ZNF543: variants seen among roughly 807,000 people sequenced by gnomAD.
ZNF543 encodes the protein zinc finger protein 543.
ZNF543 carries 10 observed loss-of-function variants against 13.4 expected under a neutral mutation model. The observed-to-expected ratio is 0.75, with a 90% CI of 0.46 to 1.26. ZNF543 has a LOEUF of 1.26. ZNF543 is among the 50% of genes most tolerant of loss of function. The pLI is 0.00. For missense variants in ZNF543, 768 were observed against 741.2 expected (o/e 1.04, Z -0.42); for synonymous variants, 272 against 264.7 (o/e 1.03, Z -0.27).
rs547926508 is a variant in ZNF543, at chr19:57,330,241, A to G, written c.*976A>G. 2 of 150,354 alleles carry G rather than the reference A, an allele frequency of 1.3e-5. No homozygotes were observed. Among genetic ancestry groups the G allele is most frequent in the East Asian group, 2.0e-4 (1 of 5,122 alleles). The allele number at this position is 150,354 out of a possible 1,614,324, so 9.3% of individuals were successfully genotyped here. ...CCATGTGTCTTTACCCAATACACATACTTTTTCTTGATGTGGATTTACTTT... is the reference window on the plus strand; with the variant it reads ...CCATGTGTCTTTACCCAATACACATGCTTTTTCTTGATGTGGATTTACTTT... On this transcript the variant is annotated 3_prime_UTR_variant, in exon 4 of 4. Coordinates refer to ENST00000321545, the MANE Select transcript of ZNF543 (RefSeq NM_213598.4).
chr19:57,320,497 A>C lies in ZNF543; in HGVS notation c.-357A>C, dbSNP rs961093968. 9.3e-6 allele frequency: 2 copies of C among 215,278 alleles called. No homozygotes were observed. Among genetic ancestry groups the C allele is most frequent in the East Asian group, 9.5e-5 (1 of 10,482 alleles). 13.3% of individuals were successfully genotyped at this position (215,278 alleles called of 1,614,324 possible). A position where few individuals can be genotyped will look rare whatever the true frequency, so the allele number is the denominator to read the frequency against. ...GTCGCGTGACGTCATCTCCGTGAGC[A>C]GGATTGGCCCTGGAACAGTGTGGGG... On this transcript the variant is annotated 5_prime_UTR_variant, in exon 1 of 4. Coordinates refer to ENST00000321545, the MANE Select transcript of ZNF543 (RefSeq NM_213598.4).
At chr19:57,326,867 GC>G (rs869161724) in intron 3 of ZNF543, 139 bp downstream of exon 3, 41 of 92,068 alleles carry the variant, frequency 4.5e-4, no homozygotes, top group East Asian at 1.1e-3. Context: ...CTCCCCGCCC[GC>G]CCCCCCCCAC....
At chr19:57,322,223 G>T (rs1470053803) in intron 1 of ZNF543, among the ~76,000 whole-genome samples, 1 of 152,176 alleles carries the variant, frequency 6.6e-6, no homozygotes, top group Non-Finnish European at 1.5e-5. Context: ...ATGAGAATGG[G>T]CATCTGTGAG....
intron 3 of ZNF543, among the ~76,000 whole-genome samples, chr19:57,327,055 G>A (rs1180365763): frequency 6.6e-6 from 1 of 151,848 alleles, no homozygotes; most frequent in Non-Finnish European, 1.5e-5. Flanking sequence ...TTTTTATAGA[G>A]ATGGTCTTGT....
intron 1 of ZNF543, among the ~76,000 whole-genome samples, chr19:57,321,519 A>G (rs921882391): frequency 9.2e-5 from 14 of 152,246 alleles, no homozygotes; most frequent in Admixed American, 9.2e-4. Flanking sequence ...AAATAATTGC[A>G]AAGAGTGACA....
intron 2 of ZNF543, among the ~76,000 whole-genome samples, chr19:57,324,626 G>C (rs111616680): frequency 6.6e-6 from 1 of 152,166 alleles, no homozygotes; most frequent in African/African-American, 2.4e-5. Context: ...TGTACATTTT[G>C]GCTTGGCCAT....
chr19:57,323,916 G>A, intron 2 of ZNF543, 108 bp downstream of exon 2: 1 of 1,417,156 alleles, frequency 7.1e-7, no homozygotes, highest in East Asian at 2.5e-5. Context: ...ACCACGCAGG[G>A]GTGTTCACCA....
rs754001358 is a variant in ZNF543 at position 57,328,771 on chromosome 19, A to G, written c.1309A>G (p.Thr437Ala). The change falls in exon 4 of 4, where the codon ACT becomes GCT. Residue 437 changes from threonine to alanine, a missense_variant. By Grantham distance (58) the Thr-to-Ala change is moderately conservative (BLOSUM62 0). Coordinates refer to ENST00000321545, the MANE Select transcript of ZNF543 (RefSeq NM_213598.4). ...TGGAAAGGCCTTCACCCACTGCTCC[A>G]CTTTTGTCTTGCATAAAAGGACCCA... ...ECGKAFTHCS[T>A]FVLHKRTHTG... 6.8e-6 allele frequency: 11 copies of G among 1,613,732 alleles called. No homozygotes were observed. The highest frequency in any genetic ancestry group is 9.3e-6 in the Non-Finnish European group (11 of 1,179,976).
In ZNF543 at chr19:57,328,369, A is replaced by G; in HGVS notation, c.907A>G (p.Arg303Gly). 1 of 1,613,922 alleles carries G rather than the reference A, an allele frequency of 6.2e-7. No homozygotes were observed. The highest frequency in any genetic ancestry group is 8.5e-7 in the Non-Finnish European group (1 of 1,179,986). The change falls in exon 4 of 4, where the codon AGG (arginine) becomes GGG (glycine). Residue 303 changes from arginine to glycine, a missense_variant. Physicochemically the swap from Arg to Gly is moderately radical, Grantham distance 125 (BLOSUM62 -2). Transcript: ENST00000321545. Reference protein sequence around the residue: ...THRSTFVLHHRSHTGEKPFVC... With the variant: ...THRSTFVLHHGSHTGEKPFVC... The stretch of plus-strand genomic sequence containing the variant: ...CCGCTCCACTTTTGTCTTGCATCAC[A>G]GGAGCCACACTGGAGAAAAACCCTT...
chr19:57,325,829 CTCT>C (rs780492148), intron 2 of ZNF543, among the ~76,000 whole-genome samples: 56 of 152,242 alleles, frequency 3.7e-4, no homozygotes, highest in Admixed American at 9.8e-4. Flanking sequence ...TCTTTGCTCC[CTCT>C]TCTTGGTAAG....
rs2088149133 is a variant in ZNF543 at position 57,329,492 on chromosome 19, A to G, written c.*227A>G. 2 of 500,182 alleles carry G rather than the reference A, an allele frequency of 4.0e-6. No individual in the cohort carries two copies. Among genetic ancestry groups the G allele is most frequent in the South Asian group, 3.9e-5 (1 of 25,746 alleles). The allele number at this position is 500,182 out of a possible 1,614,324, so 31.0% of individuals were successfully genotyped here. A position where few individuals can be genotyped will look rare whatever the true frequency, so the allele number is the denominator to read the frequency against. ...AGCCACATCTTTCTTCTTAGTTTAC[A>G]GTGAAATATTATCTCAGGGATATTT... On this transcript the variant is annotated 3_prime_UTR_variant, in exon 4 of 4. Transcript: ENST00000321545.
rs538230960 is a variant in ZNF543 at position 57,330,540 on chromosome 19, A to G, written c.*1275A>G. The stretch of plus-strand genomic sequence containing the variant: ...TTTAATCTTTTTAAAGAGTGTGTGA[A>G]AATTCACTTTAACTGGAATTTTAAC... On this transcript the variant is annotated 3_prime_UTR_variant, in exon 4 of 4. Transcript: ENST00000321545. 6.6e-6 allele frequency: 1 copy of G among 152,228 alleles called. No homozygotes were observed. Among genetic ancestry groups the G allele is most frequent in the African/African-American group, 2.4e-5 (1 of 41,558 alleles). The allele number at this position is 152,228 out of a possible 1,614,324, so 9.4% of individuals were successfully genotyped here.
chr19:57,328,172 G>A lies in ZNF543; in HGVS notation c.710G>A (p.Ser237Asn). 1 of 1,613,218 alleles carries A rather than the reference G, an allele frequency of 6.2e-7. No homozygotes were observed. Among genetic ancestry groups the A allele is most frequent in the African/African-American group, 1.3e-5 (1 of 75,024 alleles). Reference sequence around the variant, plus strand: ...TGCACAGAGTGTGGGAAAACCTTTAGCAAGAGCACTCATCTTCTTCAGCAC... The same window carrying A: ...TGCACAGAGTGTGGGAAAACCTTTAACAAGAGCACTCATCTTCTTCAGCAC... ...YECTECGKTF[S>N]KSTHLLQHLI... Residue 237 changes from serine to asparagine, a missense_variant, in exon 4 of 4, where the codon AGC becomes AAC. Transcript: ENST00000321545.
chr19:57,323,565 A>T, intron 1 of ZNF543, 117 bp from the exon 2 acceptor site: 1 of 1,298,166 alleles, frequency 7.7e-7, no homozygotes, highest in Non-Finnish European at 1.1e-6. Context: ...CCCTCTAGAG[A>T]TGCTTGGTGA....
rs766942982 is a variant in ZNF543 at position 57,328,770 on chromosome 19, C to G, written c.1308C>G (p.Ser436=). 1 of 1,613,526 alleles carries G rather than the reference C, an allele frequency of 6.2e-7. No homozygotes were observed. Among genetic ancestry groups the G allele is most frequent in the South Asian group, 1.1e-5 (1 of 91,048 alleles). Residue 436 remains serine (S), a synonymous_variant, in exon 4 of 4, where the codon TCC becomes TCG. Coordinates refer to ENST00000321545, the MANE Select transcript of ZNF543 (RefSeq NM_213598.4). ...GTGGAAAGGCCTTCACCCACTGCTC[C>G]ACTTTTGTCTTGCATAAAAGGACCC... ...SECGKAFTHC[S]TFVLHKRTHT... is the part of the protein sequence containing the mutation.
chr19:57,328,951 C>T lies in ZNF543; in HGVS notation c.1489C>T (p.His497Tyr), dbSNP rs757921942. Reference protein sequence around the residue: ...AFNRSSHLTRHQQIHTGEKPY... With the variant: ...AFNRSSHLTRYQQIHTGEKPY... ...CAACCGCAGCTCACACCTCACGAGG[C>T]ACCAACAGATTCACACTGGAGAGAA... The change falls in exon 4 of 4, where the codon CAC (histidine) becomes TAC (tyrosine). Residue 497 changes from histidine to tyrosine, a missense_variant. Physicochemically the swap from His to Tyr is moderately conservative, Grantham distance 83. Coordinates refer to ENST00000321545, the MANE Select transcript of ZNF543 (RefSeq NM_213598.4). 5 of 1,614,086 alleles carry T rather than the reference C, an allele frequency of 3.1e-6. No individual in the cohort carries two copies. The African/African-American group carries it at 6.7e-5, about 22-fold the overall frequency.
Position 57,329,354 on chromosome 19 carries a change from T to A in ZNF543, c.*89T>A. The stretch of plus-strand genomic sequence containing the variant: ...GAGAAAACGTGTAATAGATGATCAT[T>A]TGTCGTCTAAACAATCAAGTTAGAA... On this transcript the variant is annotated 3_prime_UTR_variant, in exon 4 of 4. Transcript: ENST00000321545. 6.7e-7 allele frequency: 1 copy of A among 1,486,110 alleles called. No individual in the cohort carries two copies. The highest frequency in any genetic ancestry group is 8.9e-7 in the Non-Finnish European group (1 of 1,118,816). The allele number at this position is 1,486,110 out of a possible 1,614,324, so 92.1% of individuals were successfully genotyped here. A position where few individuals can be genotyped will look rare whatever the true frequency, so the allele number is the denominator to read the frequency against.
At chr19:57,325,283 A>G (rs892319230) in intron 2 of ZNF543, among the ~76,000 whole-genome samples, 1 of 152,252 alleles carries the variant, frequency 6.6e-6, no homozygotes, top group Non-Finnish European at 1.5e-5. Flanking sequence ...TGCCAAGCAC[A>G]TAGCAAAAAT....
chr19:57,328,421 T>A lies in ZNF543; in HGVS notation c.959T>A (p.Phe320Tyr). The A allele has an allele frequency of 5.6e-6, 9 of 1,613,404 alleles. No homozygotes were observed. Among genetic ancestry groups the A allele is most frequent in the Non-Finnish European group, 7.6e-6 (9 of 1,179,880 alleles). Residue 320 changes from phenylalanine to tyrosine, a missense_variant, in exon 4 of 4, where the codon TTT (phenylalanine) becomes TAT (tyrosine). Transcript: ENST00000321545. ...PFVCKECGKA[F>Y]RDRPGFIRHY... ...GTGTGCAAAGAGTGTGGCAAAGCCT[T>A]TCGAGATAGGCCAGGTTTCATTCGA...
Sources: allele counts gnomAD v4.1 joint callset (sites outside exome capture counted in the v4.1 genomes callset), GRCh38; gene constraint gnomAD v4.1.1; transcripts MANE v1.5; gene names NCBI Gene and HGNC (gene_info 2026-07-23, HGNC 2026-07-21).